TSC22D2: variants seen among roughly 807,000 people sequenced by gnomAD.
TSC22D2 encodes the protein TSC22 domain family member 2, also known as TSC22 domain family protein 2.
A neutral mutation model predicts 50.1 loss-of-function variants in TSC22D2; 5 were observed. That is an observed-to-expected ratio of 0.10 (90% CI 0.05 to 0.21). TSC22D2 has a LOEUF of 0.21. TSC22D2 is among the 10% of genes least tolerant of loss of function. TSC22D2 has a pLI of 1.00. For missense variants in TSC22D2, 1,003 were observed against 1,015.5 expected, an observed-to-expected ratio of 0.99 and a Z score of 0.17; for synonymous variants, 501 against 450.1, an observed-to-expected ratio of 1.11 and a Z score of -1.43.
At position 150,410,058 on chromosome 3, in the gene TSC22D2, C is replaced by T. The variant is rs971704143; in HGVS notation, c.708C>T (p.His236=). ...VVVVASMQGA[H]GPESGTDSSL... ...TAGTGGCCTCCATGCAGGGGGCGCA[C>T]GGGCCCGAGTCGGGAACTGACAGCT... The change falls in exon 1 of 3, where the codon CAC becomes CAT. Residue 236 remains histidine, a synonymous_variant. Coordinates refer to ENST00000688009, the MANE Select transcript of TSC22D2 (RefSeq NM_001303264.2). 1 of 1,613,084 alleles carries T rather than the reference C, an allele frequency of 6.2e-7. No individual in the cohort carries two copies. Among genetic ancestry groups the T allele is most frequent in the Admixed American group, 1.7e-5 (1 of 60,032 alleles).
intron 1 of TSC22D2, among the ~76,000 whole-genome samples, chr3:150,453,961 C>A (rs1299918439): frequency 6.6e-6 from 1 of 152,130 alleles, no homozygotes; most frequent in African/African-American, 2.4e-5. Context: ...TATGTAAACT[C>A]ATTTAATCCT....
rs1199725644 is a variant in TSC22D2, at chr3:150,410,503, G to T, written c.1153G>T (p.Val385Leu). The T allele has an allele frequency of 6.3e-7, 1 of 1,597,916 alleles. No individual in the cohort carries two copies. The highest frequency in any genetic ancestry group is 1.4e-5 in the African/African-American group (1 of 73,790). ...CCAGAGTGAGTACCTGCAGCAGCAC[G>T]TGGCCGGCCTGCAGCCGCCAAGCCC... ...SGQSEYLQQH[V>L]AGLQPPSPAQ... The change falls in exon 1 of 3, where the codon GTG becomes TTG. Residue 385 changes from valine (V) to leucine (L), a missense_variant. Transcript: ENST00000688009.
At chr3:150,426,679 G>A (rs1419264916) in intron 1 of TSC22D2, among the ~76,000 whole-genome samples, 1 of 152,152 alleles carries the variant, frequency 6.6e-6, no homozygotes, top group Non-Finnish European at 1.5e-5. Context: ...GAGAACAGTT[G>A]CTAGGTGTAC....
rs149526922 is a variant in TSC22D2 at position 150,458,529 on chromosome 3, C to T, written c.2164C>T (p.Pro722Ser). Reference protein sequence around the residue: ...LSSNDQLSQLPTQQANPGSTS... With the variant: ...LSSNDQLSQLSTQQANPGSTS... ...AAGCAATGATCAATTATCCCAACTC[C>T]CAACCCAACAGGCCAATCCTGGTAG... The change falls in exon 3 of 3, where the codon CCA (proline) becomes TCA (serine). Residue 722 changes from proline (P) to serine (S), a missense_variant. Pro to Ser is a moderately conservative substitution (Grantham distance 74, BLOSUM62 -1). This residue lies in a region of TSC22D2 where 54 missense variants were observed against 51.4 expected (regional missense o/e 1.05). Coordinates refer to ENST00000688009, the MANE Select transcript of TSC22D2 (RefSeq NM_001303264.2). 5 of 1,613,990 alleles carry T rather than the reference C, an allele frequency of 3.1e-6. No homozygotes were observed. The highest frequency in any genetic ancestry group is 4.2e-6 in the Non-Finnish European group (5 of 1,180,018).
At chr3:150,423,660 C>T (rs1175140280) in intron 1 of TSC22D2, among the ~76,000 whole-genome samples, 1 of 152,156 alleles carries the variant, frequency 6.6e-6, no homozygotes, top group Admixed American at 6.5e-5. Flanking sequence ...AGTTTGCTTT[C>T]TTACAGAAAT....
At chr3:150,422,791 T>C (rs551595090) in intron 1 of TSC22D2, among the ~76,000 whole-genome samples, 1 of 152,362 alleles carries the variant, frequency 6.6e-6, no homozygotes, top group East Asian at 1.9e-4. Flanking sequence ...TGGATGCTAC[T>C]TAGTATTTAG....
At chr3:150,414,669 T>C (rs1719731801) in intron 1 of TSC22D2, among the ~76,000 whole-genome samples, 1 of 152,208 alleles carries the variant, frequency 6.6e-6, no homozygotes, top group African/African-American at 2.4e-5. Context: ...TGTCCTGGTA[T>C]GTGCCATAAA....
Position 150,410,345 on chromosome 3 carries a change from C to A in TSC22D2, c.995C>A (p.Ala332Glu), listed in dbSNP as rs756403755. The A allele has an allele frequency of 2.5e-6, 4 of 1,591,904 alleles. No homozygotes were observed. The African/African-American group carries it at 5.4e-5, about 21-fold the overall frequency. ...QTLPPTNVTL[A>E]QPAMSLPPQP... is the part of the protein sequence containing the mutation. ...CTGCCGCCGACGAATGTAACCCTGGCGCAGCCGGCTATGTCCCTGCCTCCG... is the reference window on the plus strand; with the variant it reads ...CTGCCGCCGACGAATGTAACCCTGGAGCAGCCGGCTATGTCCCTGCCTCCG... The change falls in exon 1 of 3, where the codon GCG becomes GAG. Residue 332 changes from alanine to glutamate, a missense_variant. Physicochemically the swap from Ala to Glu is moderately radical, Grantham distance 107. Transcript: ENST00000688009.
chr3:150,438,829 A>G (rs1720628751), intron 1 of TSC22D2, among the ~76,000 whole-genome samples: 2 of 152,310 alleles, frequency 1.3e-5, no homozygotes, highest in African/African-American at 2.4e-5. Context: ...TAAAGCCAAG[A>G]AAATTTTTTC....
intron 1 of TSC22D2, among the ~76,000 whole-genome samples, chr3:150,413,905 TTAGTA>T (rs2108060602): frequency 6.6e-6 from 1 of 152,194 alleles, no homozygotes; most frequent in South Asian, 2.1e-4. Context: ...AATTAGGACT[TTAGTA>T]AACAGTCTAT....
chr3:150,458,638 G>C lies in TSC22D2; in HGVS notation c.*2G>C. The C allele has an allele frequency of 6.2e-7, 1 of 1,613,652 alleles. No homozygotes were observed. Among genetic ancestry groups the C allele is most frequent in the Non-Finnish European group, 8.5e-7 (1 of 1,179,812 alleles). On this transcript the variant is annotated 3_prime_UTR_variant, in exon 3 of 3. Coordinates refer to ENST00000688009, the MANE Select transcript of TSC22D2 (RefSeq NM_001303264.2). ...CAGCCGAATGTCTCCTCAGCATAAA[G>C]CTTTCTTAAGCCTCATTAAGAAAAA...
intron 1 of TSC22D2, among the ~76,000 whole-genome samples, chr3:150,433,482 A>C (rs1352563804): frequency 6.6e-6 from 1 of 152,246 alleles, no homozygotes; most frequent in African/African-American, 2.4e-5. Context: ...ATCTTTCTGC[A>C]TATCTGCCTG....
intron 1 of TSC22D2, among the ~76,000 whole-genome samples, chr3:150,421,807 A>G (rs1212546579): frequency 1.3e-5 from 2 of 152,208 alleles, no homozygotes; most frequent in Non-Finnish European, 2.9e-5. Flanking sequence ...GATTCACTGT[A>G]TGCCAGGAAC....
intron 1 of TSC22D2, chr3:150,423,068 T>C (rs1720066820): frequency 6.2e-7 from 1 of 1,613,312 alleles, no homozygotes; most frequent in East Asian, 2.2e-5. Context: ...AACTGCTTTC[T>C]ACCAAGCGTT....
At position 150,457,065 on chromosome 3, in the gene TSC22D2, A is replaced by T. The variant is rs922328298; in HGVS notation, c.1959-11A>T. 3 of 1,611,218 alleles carry T rather than the reference A, an allele frequency of 1.9e-6. No individual in the cohort carries two copies. The highest frequency in any genetic ancestry group is 1.7e-6 in the Non-Finnish European group (2 of 1,178,942). On this transcript the variant is annotated splice_polypyrimidine_tract_variant and intron_variant, in intron 1 of 2. Coordinates refer to ENST00000688009, the MANE Select transcript of TSC22D2 (RefSeq NM_001303264.2). ...TTTTTTAGAATAATAACATATTCTA[A>T]TTTTTTCCAGTGCATCTGGGGGAGG... is the stretch of plus-strand genomic sequence containing the variant.
chr3:150,437,407 G>A (rs1352820252), intron 1 of TSC22D2, among the ~76,000 whole-genome samples: 1 of 152,054 alleles, frequency 6.6e-6, no homozygotes, highest in Admixed American at 6.6e-5. Context: ...AAAATTGGGG[G>A]TAGTAGAGAC....
chr3:150,412,964 G>T (rs1033857119), intron 1 of TSC22D2, among the ~76,000 whole-genome samples: 1 of 151,972 alleles, frequency 6.6e-6, no homozygotes, highest in Non-Finnish European at 1.5e-5. Flanking sequence ...TTCAAGAAAT[G>T]ATGACTGGTT....
rs1721321241 is a variant in TSC22D2 at position 150,459,661 on chromosome 3, T to C, written c.*1025T>C. The C allele has an allele frequency of 6.6e-6, 1 of 151,348 alleles. No individual in the cohort carries two copies. Among genetic ancestry groups the C allele is most frequent in the Admixed American group, 6.6e-5 (1 of 15,160 alleles). 9.4% of individuals were successfully genotyped at this position (151,348 alleles called of 1,614,324 possible). On this transcript the variant is annotated 3_prime_UTR_variant, in exon 3 of 3. Coordinates refer to ENST00000688009, the MANE Select transcript of TSC22D2 (RefSeq NM_001303264.2). ...TTTTCTCAGTCACAATTTTCTTTAC[T>C]GTCTAGCATGATCTGCATGACCTAT... is the stretch of plus-strand genomic sequence containing the variant.
chr3:150,414,242 A>G (rs1049390118), intron 1 of TSC22D2, among the ~76,000 whole-genome samples: 1 of 152,216 alleles, frequency 6.6e-6, no homozygotes, highest in South Asian at 2.1e-4. Flanking sequence ...TCAGTTGTTG[A>G]GACTCTTCAG....
Sources: gnomAD v4.1 joint callset for allele counts (sites outside exome capture counted in the v4.1 genomes callset) on GRCh38, gnomAD v4.1.1 for gene constraint, gnomAD v4.1.1 regional missense constraint, MANE v1.5 for transcripts, NCBI Gene and HGNC (gene_info 2026-07-23, HGNC 2026-07-21) for gene names.